The following TAFA2 variants were observed in gnomAD, a reference collection of about 807,000 sequenced individuals.
TAFA2 encodes the protein TAFA chemokine like family member 2.
Under a neutral mutation model 18.8 loss-of-function variants are expected in TAFA2, and 7 were observed. That is an observed-to-expected ratio of 0.37 (90% confidence interval 0.21 to 0.70). The LOEUF (loss-of-function observed/expected upper bound fraction) is 0.70, where lower values mean the gene tolerates loss of function less well. Ranked by LOEUF, TAFA2 falls within the 30% of genes least tolerant of loss-of-function variation. TAFA2 has a pLI of 0.53. For synonymous variants in TAFA2, 60 were observed against 54.2 expected (o/e 1.11, Z -0.47); for missense variants, 122 against 158.1 (o/e 0.77, Z 1.23).
At chr12:62,143,471 G>T (rs1037351982) in intron 1 of TAFA2, among the ~76,000 whole-genome samples, 1 of 152,070 alleles carries the variant, frequency 6.6e-6, no homozygotes, top group Non-Finnish European at 1.5e-5. Context: ...AATCTGACCA[G>T]CCCAAGGACT....
intron 1 of TAFA2, among the ~76,000 whole-genome samples, chr12:62,243,750 A>G (rs1012806530): frequency 3.3e-5 from 5 of 152,218 alleles, no homozygotes; most frequent in African/African-American, 1.2e-4. Context: ...TTGAACCATT[A>G]CAACATCTGC....
At chr12:62,037,474 A>G (rs1408539553) in intron 1 of TAFA2, among the ~76,000 whole-genome samples, 1 of 152,206 alleles carries the variant, frequency 6.6e-6, no homozygotes, top group Non-Finnish European at 1.5e-5. Flanking sequence ...AAATCATACA[A>G]TTCTTAATCC....
intron 2 of TAFA2, among the ~76,000 whole-genome samples, chr12:61,857,530 A>C (rs941894891): frequency 6.6e-6 from 1 of 152,216 alleles, no homozygotes; most frequent in Non-Finnish European, 1.5e-5. Flanking sequence ...TTAGCTTTCT[A>C]TATCCCTCTC....
chr12:61,832,829 AAAG>A (rs889074100), intron 2 of TAFA2, among the ~76,000 whole-genome samples: 13 of 151,786 alleles, frequency 8.6e-5, no homozygotes, highest in African/African-American at 3.1e-4. Flanking sequence ...CAAACTCTTA[AAAG>A]AAGGTGTTTG....
At chr12:61,853,435 T>C (rs1873759851) in intron 2 of TAFA2, among the ~76,000 whole-genome samples, 1 of 151,856 alleles carries the variant, frequency 6.6e-6, no homozygotes, top group African/African-American at 2.4e-5. Flanking sequence ...AAAAACACTA[T>C]TAGTGTTTTA....
intron 1 of TAFA2, among the ~76,000 whole-genome samples, chr12:62,146,284 C>CTTTTTTTTTTTTTT: frequency 8.5e-6 from 1 of 117,718 alleles, no homozygotes; most frequent in Non-Finnish European, 1.7e-5. Context: ...CCCTTTGCTG[C>CTTTTTTTTTTTTTT]TTTTTTTTTT....
intron 1 of TAFA2, chr12:62,252,299 C>T (rs575748624): frequency 6.6e-6 from 1 of 152,342 alleles, no homozygotes; most frequent in African/African-American, 2.4e-5. Flanking sequence ...TGACCTCCTC[C>T]CAGTATTTAG....
intron 4 of TAFA2, among the ~76,000 whole-genome samples, chr12:61,713,187 C>T (rs1304431916): frequency 6.6e-6 from 1 of 152,170 alleles, no homozygotes; most frequent in Non-Finnish European, 1.5e-5. Flanking sequence ...ACACCAATCA[C>T]CGAGTTTTGG....
At chr12:62,122,986 T>A (rs751089724) in intron 1 of TAFA2, among the ~76,000 whole-genome samples, 5 of 152,180 alleles carry the variant, frequency 3.3e-5, no homozygotes, top group Non-Finnish European at 7.4e-5. Flanking sequence ...CTAGCTCATA[T>A]CACCCTTGAA....
intron 1 of TAFA2, among the ~76,000 whole-genome samples, chr12:62,184,502 C>CCTTTTTTTTTTTT (rs2062572260): frequency 9.4e-6 from 1 of 106,172 alleles, no homozygotes; most frequent in Admixed American, 1.2e-4. Flanking sequence ...AAAAAAAATT[C>CCTTTTTTTTTTTT]TTTTTTTTTT....
At chr12:62,110,612 CT>C (rs68008958) in intron 1 of TAFA2, among the ~76,000 whole-genome samples, 26,466 of 104,482 alleles carry the variant, frequency 0.25, 2,362 homozygotes, top group African/African-American at 0.34. Flanking sequence ...TGGTCCTGGG[CT>C]TTTTTTTTTT....
chr12:61,854,333 G>T (rs138151225), intron 2 of TAFA2, among the ~76,000 whole-genome samples: 2 of 152,218 alleles, frequency 1.3e-5, no homozygotes, highest in South Asian at 2.1e-4. Context: ...GAAAGATACA[G>T]ATGAAGGCAG....
At chr12:61,753,521 C>T (rs1399863764) in intron 4 of TAFA2, 101 bp downstream of exon 4, 5 of 1,081,668 alleles carry the variant, frequency 4.6e-6, no homozygotes, top group Non-Finnish European at 6.6e-6. Context: ...CAAAACTATA[C>T]TCTTCCATTC....
At chr12:61,718,010 C>T (rs1302788193) in intron 4 of TAFA2, among the ~76,000 whole-genome samples, 1 of 152,160 alleles carries the variant, frequency 6.6e-6, no homozygotes, top group Non-Finnish European at 1.5e-5. Flanking sequence ...GTTTTGATGG[C>T]CTAAATTCTT....
intron 4 of TAFA2, among the ~76,000 whole-genome samples, chr12:61,721,150 G>T (rs78977089): frequency 1.3e-5 from 2 of 151,814 alleles, no homozygotes; most frequent in African/African-American, 4.8e-5. Context: ...CCTTTAAATG[G>T]GACTAAAATA....
intron 2 of TAFA2, chr12:61,775,988 T>G (rs896446582): frequency 3.4e-6 from 1 of 295,512 alleles, no homozygotes; most frequent in Non-Finnish European, 6.6e-6. Flanking sequence ...TTAGAAAACA[T>G]GGAGTTGTTC....
At chr12:61,822,150 G>A (rs1041945968) in intron 2 of TAFA2, among the ~76,000 whole-genome samples, 3 of 152,030 alleles carry the variant, frequency 2.0e-5, no homozygotes, top group African/African-American at 4.8e-5. Flanking sequence ...ATTAATTTAT[G>A]TACTAATTCA....
intron 1 of TAFA2, among the ~76,000 whole-genome samples, chr12:62,233,484 G>C (rs1480473468): frequency 1.3e-5 from 2 of 152,068 alleles, no homozygotes; most frequent in Non-Finnish European, 1.5e-5. Flanking sequence ...ATACACTCTT[G>C]ATCACTCTGA....
chr12:62,252,081 C>G (rs1443650049), intron 1 of TAFA2: 2 of 152,320 alleles, frequency 1.3e-5, no homozygotes, highest in East Asian at 3.9e-4. Flanking sequence ...CCTGATCTAC[C>G]ATTCTAGAGT....
Sources: gnomAD v4.1 joint callset for allele counts (sites outside exome capture counted in the v4.1 genomes callset) on GRCh38, gnomAD v4.1.1 for gene constraint, MANE v1.5 for transcripts, NCBI Gene and HGNC (gene_info 2026-07-23, HGNC 2026-07-21) for gene names.